The following RPS6KA5 variants were observed in gnomAD, a reference collection of about 807,000 sequenced individuals.
The protein encoded by RPS6KA5 is ribosomal protein S6 kinase A5, also known as ribosomal protein S6 kinase alpha-5.
A neutral mutation model predicts 85.5 loss-of-function variants in RPS6KA5; 27 were observed. That is an observed-to-expected ratio of 0.32 (90% CI 0.23 to 0.44). The LOEUF is 0.44. Among genes scored for constraint, RPS6KA5 ranks in the 20% least tolerant of loss-of-function variants. The pLI is 1.00. For synonymous variants in RPS6KA5, 334 were observed against 348.2 expected (o/e 0.96, Z 0.46); for missense variants, 811 against 980.9 (o/e 0.83, Z 2.31).
chr14:90,926,283 C>T (rs1287700877), intron 5 of RPS6KA5, among the ~76,000 whole-genome samples: 3 of 151,052 alleles, frequency 2.0e-5, no homozygotes, highest in Middle Eastern at 3.4e-3. Flanking sequence ...CCCAGCTATT[C>T]AGGAGGCTGA....
Position 90,978,444 on chromosome 14 carries a change from C to T in RPS6KA5, c.256G>A (p.Ala86Thr). Residue 86 changes from alanine (A) to threonine (T), a missense_variant, in exon 3 of 17, where the codon GCA becomes ACA. Physicochemically the swap from Ala to Thr is moderately conservative, Grantham distance 58 (BLOSUM62 0). This residue lies in a region of RPS6KA5 where 48 missense variants were observed against 87.6 expected (regional missense o/e 0.55). Transcript: ENST00000614987. ...KLYAMKVLKK[A>T]TIVQKAKTTE... Reference sequence around the variant, plus strand: ...GTTTTGGCCTTTTGAACGATTGTTGCCTTTTTCAAAACTTTCATGGCATAC... The same window carrying T: ...GTTTTGGCCTTTTGAACGATTGTTGTCTTTTTCAAAACTTTCATGGCATAC... 1 of 1,613,744 alleles carries T rather than the reference C, an allele frequency of 6.2e-7. No homozygotes were observed. Among genetic ancestry groups the T allele is most frequent in the South Asian group, 1.1e-5 (1 of 91,006 alleles).
In RPS6KA5 at chr14:91,001,126, A is replaced by G. The variant is rs1413278594; in HGVS notation, c.137T>C (p.Ile46Thr). The part of the protein sequence containing the change: ...NLTGHAEKVG[I>T]ENFELLKVLG... ...GACCTTCAGGAGCTCAAAATTTTCT[A>G]TTCCCACCTTCTCAGCATGTCCTGT... is the stretch of plus-strand genomic sequence containing the variant. Residue 46 changes from isoleucine (I) to threonine (T), a missense_variant, in exon 2 of 17, where the codon ATA becomes ACA. By Grantham distance (89) the Ile-to-Thr change is moderately conservative (BLOSUM62 -1). Coordinates refer to ENST00000614987, the MANE Select transcript of RPS6KA5 (RefSeq NM_004755.4). The G allele has an allele frequency of 6.2e-7, 1 of 1,601,288 alleles. No homozygotes were observed. Among genetic ancestry groups the G allele is most frequent in the African/African-American group, 1.4e-5 (1 of 73,844 alleles).
At chr14:91,049,143 C>A (rs1027638278) in intron 1 of RPS6KA5, among the ~76,000 whole-genome samples, 2 of 152,172 alleles carry the variant, frequency 1.3e-5, no homozygotes, top group Non-Finnish European at 2.9e-5. Flanking sequence ...TTCTTAATCT[C>A]TAAAATTCAT....
At chr14:91,013,643 T>G (rs889478982) in intron 1 of RPS6KA5, among the ~76,000 whole-genome samples, 1 of 152,202 alleles carries the variant, frequency 6.6e-6, no homozygotes, top group Non-Finnish European at 1.5e-5. Flanking sequence ...CTGTGTTTGA[T>G]ATGAAAAAGT....
intron 3 of RPS6KA5, among the ~76,000 whole-genome samples, chr14:90,962,307 CA>C (rs1266919307): frequency 5.0e-5 from 3 of 60,586 alleles, no homozygotes; most frequent in African/African-American, 9.7e-5. Flanking sequence ...TATCTTGGCA[CA>C]GTTTTTTTTT....
chr14:90,875,416 C>CT, intron 14 of RPS6KA5, 56 bp from the exon 15 acceptor site: 1 of 1,462,758 alleles, frequency 6.8e-7, no homozygotes, highest in Non-Finnish European at 9.4e-7. Context: ...TAAAGCCACT[C>CT]TAATAATCCT....
chr14:91,033,391 A>G (rs1181921246), intron 1 of RPS6KA5, among the ~76,000 whole-genome samples: 1 of 152,200 alleles, frequency 6.6e-6, no homozygotes, highest in Non-Finnish European at 1.5e-5. Context: ...ACTTGAGGTC[A>G]GGAGTTCAAG....
At chr14:90,931,386 G>A (rs940404986) in intron 5 of RPS6KA5, among the ~76,000 whole-genome samples, 1 of 148,986 alleles carries the variant, frequency 6.7e-6, no homozygotes, top group Admixed American at 6.6e-5. Context: ...TTAGGGGACG[G>A]GGGAAAAGGT....
At chr14:90,959,149 G>T (rs2038672353) in intron 3 of RPS6KA5, among the ~76,000 whole-genome samples, 1 of 152,158 alleles carries the variant, frequency 6.6e-6, no homozygotes, top group South Asian at 2.1e-4. Flanking sequence ...AACTGAATTA[G>T]GGGGGTGGGG....
intron 3 of RPS6KA5, among the ~76,000 whole-genome samples, chr14:90,969,219 CAT>C (rs1424008224): frequency 6.6e-6 from 1 of 152,190 alleles, no homozygotes; most frequent in East Asian, 1.9e-4. Context: ...TTAAGCAACT[CAT>C]ATCATTCTGA....
At chr14:91,016,608 A>C (rs2041508476) in intron 1 of RPS6KA5, among the ~76,000 whole-genome samples, 2 of 152,086 alleles carry the variant, frequency 1.3e-5, no homozygotes, top group South Asian at 4.1e-4. Flanking sequence ...ATCAATATTT[A>C]AATCACTGGG....
At chr14:91,040,345 T>C (rs2042559728) in intron 1 of RPS6KA5, among the ~76,000 whole-genome samples, 2 of 151,920 alleles carry the variant, frequency 1.3e-5, no homozygotes, top group Non-Finnish European at 2.9e-5. Flanking sequence ...GAGGTGGAGG[T>C]TCCAGTGAGC....
intron 2 of RPS6KA5, among the ~76,000 whole-genome samples, chr14:90,991,147 T>C (rs2040290495): frequency 6.6e-6 from 1 of 152,066 alleles, no homozygotes; most frequent in Admixed American, 6.5e-5. Context: ...TGGGAAAAAA[T>C]GCAGTATATG....
chr14:90,914,037 G>A (rs545564230), intron 7 of RPS6KA5, among the ~76,000 whole-genome samples: 9 of 152,338 alleles, frequency 5.9e-5, no homozygotes, highest in African/African-American at 2.2e-4. Context: ...ATGTGTGACA[G>A]AGTCGTGAAC....
intron 1 of RPS6KA5, among the ~76,000 whole-genome samples, chr14:91,003,077 C>G (rs1008748351): frequency 3.9e-5 from 6 of 152,064 alleles, no homozygotes; most frequent in Admixed American, 1.3e-4. Flanking sequence ...TGGCTCTCTT[C>G]TAATGTTAAA....
chr14:91,048,313 T>C (rs1200733059), intron 1 of RPS6KA5, among the ~76,000 whole-genome samples: 2 of 152,144 alleles, frequency 1.3e-5, no homozygotes, highest in Non-Finnish European at 1.5e-5. Context: ...AAATAGGATA[T>C]ACAAAAATAT....
intron 5 of RPS6KA5, among the ~76,000 whole-genome samples, chr14:90,925,183 T>C (rs1267240425): frequency 2.0e-5 from 3 of 152,168 alleles, no homozygotes; most frequent in East Asian, 3.9e-4. Context: ...CCTAGTGCTG[T>C]GGCTGCACAA....
Position 90,860,565 on chromosome 14 carries a change from G to A in RPS6KA5, c.*11509C>T, listed in dbSNP as rs2032492742. On this transcript the variant is annotated 3_prime_UTR_variant, in exon 17 of 17. Coordinates refer to ENST00000614987, the MANE Select transcript of RPS6KA5 (RefSeq NM_004755.4). The stretch of plus-strand genomic sequence containing the variant: ...AAAATAAAATAAAATGGTGAACCTA[G>A]TATTTCATACAAGGCAAAAATATCC... 1.3e-5 allele frequency: 2 copies of A among 151,996 alleles called. No individual in the cohort carries two copies. The highest frequency in any genetic ancestry group is 2.9e-5 in the Non-Finnish European group (2 of 68,016). 9.4% of individuals were successfully genotyped at this position (151,996 alleles called of 1,614,324 possible). A position where few individuals can be genotyped will look rare whatever the true frequency, so the allele number is the denominator to read the frequency against.
intron 2 of RPS6KA5, among the ~76,000 whole-genome samples, chr14:90,996,507 G>A (rs562564123): frequency 2.0e-5 from 3 of 152,204 alleles, no homozygotes; most frequent in Admixed American, 1.3e-4. Flanking sequence ...TGTTATTACA[G>A]ATTAAAGTTG....
Sources: gnomAD v4.1 joint callset for allele counts (sites outside exome capture counted in the v4.1 genomes callset) on GRCh38, gnomAD v4.1.1 for gene constraint, gnomAD v4.1.1 regional missense constraint, MANE v1.5 for transcripts, NCBI Gene and HGNC (gene_info 2026-07-23, HGNC 2026-07-21) for gene names.